BBS7: variants seen among roughly 807,000 people sequenced by gnomAD.
BBS7 encodes Bardet-Biedl syndrome 7, also known as BBSome complex member BBS7.
BBS7 carries 50 observed loss-of-function variants against 90.3 expected under a neutral mutation model. That is an observed-to-expected ratio of 0.55 (90% CI 0.44 to 0.70). The LOEUF is 0.70. BBS7 is among the 30% of genes least tolerant of loss of function. BBS7 has a pLI of 0.00. For synonymous variants in BBS7, 235 were observed against 287.4 expected, an observed-to-expected ratio of 0.82 and a Z score of 1.85; for missense variants, 729 against 838.9, an observed-to-expected ratio of 0.87 and a Z score of 1.62.
intron 8 of BBS7, among the ~76,000 whole-genome samples, chr4:121,849,260 G>A (rs562738773): frequency 1.3e-5 from 2 of 152,168 alleles, no homozygotes; most frequent in Non-Finnish European, 2.9e-5. Flanking sequence ...GAGAGCAGTG[G>A]TGCAATCACA....
chr4:121,865,474 G>C (rs1157523994), intron 2 of BBS7, among the ~76,000 whole-genome samples: 1 of 152,076 alleles, frequency 6.6e-6, no homozygotes, highest in East Asian at 1.9e-4. Flanking sequence ...GCTGACCTCA[G>C]GTGATCCGCC....
chr4:121,854,824 C>T lies in BBS7; in HGVS notation c.602-4G>A. The stretch of plus-strand genomic sequence containing the variant: ...AAAAGGTCTTCTCCAGAGTCACCTA[C>T]TTATAATTAAAGTCAACATATTATA... On this transcript the variant is annotated splice_region_variant and splice_polypyrimidine_tract_variant and intron_variant, in intron 6 of 18. Coordinates refer to ENST00000264499, the MANE Select transcript of BBS7 (RefSeq NM_176824.3). The T allele has an allele frequency of 1.2e-6, 2 of 1,610,102 alleles. No individual in the cohort carries two copies. Among genetic ancestry groups the T allele is most frequent in the Non-Finnish European group, 1.7e-6 (2 of 1,177,238 alleles).
At position 121,860,221 on chromosome 4, in the gene BBS7, C is replaced by T. The variant is rs1726902495; in HGVS notation, c.342-1043G>A. On this transcript the variant is annotated intron_variant, in intron 4 of 18. Coordinates refer to ENST00000264499, the MANE Select transcript of BBS7 (RefSeq NM_176824.3). Reference sequence around the variant, plus strand: ...CTATGTTTTTCAAAATTTTAAATTCCATTTTGAAACCAATCTGTATTATAT... The same window carrying T: ...CTATGTTTTTCAAAATTTTAAATTCTATTTTGAAACCAATCTGTATTATAT... Among the ~76,000 whole-genome samples the T allele has an allele frequency of 3.3e-5, 5 of 151,898 alleles. No homozygotes were observed. The South Asian group carries it at 1.0e-3, about 32-fold the overall frequency.
chr4:121,854,489 C>A (rs888923021), intron 7 of BBS7, among the ~76,000 whole-genome samples: 3 of 152,028 alleles, frequency 2.0e-5, no homozygotes, highest in African/African-American at 7.2e-5. Context: ...CCTATAAAAA[C>A]GTATCAATAC....
intron 1 of BBS7, among the ~76,000 whole-genome samples, chr4:121,868,337 G>A (rs767736160): frequency 2.6e-5 from 4 of 152,066 alleles, no homozygotes; most frequent in Non-Finnish European, 5.9e-5. Flanking sequence ...ACTGCATACA[G>A]TTGTTCAGCA....
Position 121,870,463 on chromosome 4 carries a change from C to A in BBS7, c.-150G>T. Reference sequence around the variant, plus strand: ...GCGCCTAGGTCCTGGGCTGCACAGGCGGGGCGACAGGGCAGTGGCGTCCTG... The same window carrying A: ...GCGCCTAGGTCCTGGGCTGCACAGGAGGGGCGACAGGGCAGTGGCGTCCTG... On this transcript the variant is annotated 5_prime_UTR_variant, in exon 1 of 19. Coordinates refer to ENST00000264499, the MANE Select transcript of BBS7 (RefSeq NM_176824.3). The A allele has an allele frequency of 1.2e-6, 1 of 822,230 alleles. No homozygotes were observed. The highest frequency in any genetic ancestry group is 1.5e-5 in the South Asian group (1 of 66,810). 50.9% of individuals were successfully genotyped at this position (822,230 alleles called of 1,614,324 possible).
At chr4:121,854,219 T>C (rs1726477718) in intron 7 of BBS7, among the ~76,000 whole-genome samples, 1 of 152,208 alleles carries the variant, frequency 6.6e-6, no homozygotes, top group Non-Finnish European at 1.5e-5. Flanking sequence ...CTAATAAGTA[T>C]TTGTTGAAGG....
chr4:121,828,526 G>T, intron 16 of BBS7, 21 bp from the exon 17 acceptor site: 4 of 1,583,642 alleles, frequency 2.5e-6, no homozygotes, highest in Non-Finnish European at 3.5e-6. Flanking sequence ...TTGACCAGAT[G>T]CAGTTAGATA....
At chr4:121,836,143 C>A (rs560271233) in intron 13 of BBS7, among the ~76,000 whole-genome samples, 23 of 152,156 alleles carry the variant, frequency 1.5e-4, no homozygotes, top group Non-Finnish European at 3.1e-4. Flanking sequence ...TATGACTGGC[C>A]GGATATCCTG....
At chr4:121,849,321 C>A (rs895159322) in intron 8 of BBS7, among the ~76,000 whole-genome samples, 6 of 152,160 alleles carry the variant, frequency 3.9e-5, no homozygotes, top group Non-Finnish European at 8.8e-5. Context: ...CCTCCTTAGG[C>A]CCCAGAGTAG....
chr4:121,855,631 A>G, intron 5 of BBS7, 70 bp from the exon 6 acceptor site: 18 of 1,290,032 alleles, frequency 1.4e-5, no homozygotes, highest in Non-Finnish European at 2.0e-5. Context: ...CATGAATAAC[A>G]TCAATATTCA....
At chr4:121,846,396 G>A (rs1045508794) in intron 10 of BBS7, among the ~76,000 whole-genome samples, 1 of 152,160 alleles carries the variant, frequency 6.6e-6, no homozygotes, top group South Asian at 2.1e-4. Context: ...GAAGGGATCT[G>A]TGTAATGAAC....
chr4:121,859,478 T>C (rs1463329766), intron 4 of BBS7, among the ~76,000 whole-genome samples: 4 of 152,136 alleles, frequency 2.6e-5, no homozygotes, highest in Non-Finnish European at 5.9e-5. Flanking sequence ...AGACAATTAA[T>C]ACATCAAAAA....
intron 10 of BBS7, among the ~76,000 whole-genome samples, chr4:121,846,548 A>AAATG (rs1726020631): frequency 6.6e-6 from 1 of 152,208 alleles, no homozygotes; most frequent in Non-Finnish European, 1.5e-5. Context: ...TGGAATCAAG[A>AAATG]AATGGTAGAC....
intron 12 of BBS7, among the ~76,000 whole-genome samples, chr4:121,840,548 T>C (rs1725685274): frequency 6.6e-6 from 1 of 152,238 alleles, no homozygotes; most frequent in Non-Finnish European, 1.5e-5. Flanking sequence ...AAGTGCTTAA[T>C]ACATGTTTGT....
chr4:121,824,593 A>G lies in BBS7; in HGVS notation c.*1267T>C, dbSNP rs766549576. The G allele has an allele frequency of 5.3e-5, 8 of 152,156 alleles. No homozygotes were observed. Among genetic ancestry groups the G allele is most frequent in the Non-Finnish European group, 2.9e-5 (2 of 68,026 alleles). 9.4% of individuals were successfully genotyped at this position (152,156 alleles called of 1,614,324 possible). A position where few individuals can be genotyped will look rare whatever the true frequency, so the allele number is the denominator to read the frequency against. On this transcript the variant is annotated 3_prime_UTR_variant, in exon 19 of 19. Transcript: ENST00000264499. This position sits in a 1 kb window ranked among gnomAD's most constrained non-coding sequence, Gnocchi z 4.1. The stretch of plus-strand genomic sequence containing the variant: ...GCAGTGCATTACAAAATATTCAAAT[A>G]CAGTCATTAATTTTTTTCTATTTTT...
At chr4:121,867,884 C>G (rs766265756) in intron 2 of BBS7, 97 bp downstream of exon 2, 47 of 1,065,858 alleles carry the variant, frequency 4.4e-5, no homozygotes, top group Non-Finnish European at 6.7e-5. Flanking sequence ...TTAACATTAG[C>G]ATTTTTAAGA....
intron 7 of BBS7, among the ~76,000 whole-genome samples, 187 bp from the exon 8 acceptor site, chr4:121,853,273 G>A (rs1285082880): frequency 6.6e-6 from 1 of 152,124 alleles, no homozygotes; most frequent in South Asian, 2.1e-4. Context: ...AATATAATCT[G>A]TGTGAGAACG....
At position 121,854,712 on chromosome 4, in the gene BBS7, T is replaced by G. The variant is rs1475525357; in HGVS notation, c.710A>C (p.Lys237Thr). ...VRKWEIQNEK[K>T]RGGILCIDSF... ...CTACATGAAAAGCATACCTCCTCTC[T>G]TTTTCTCATTTTGAATTTCCCACTT... is the stretch of plus-strand genomic sequence containing the variant. The change falls in exon 7 of 19, where the codon AAG becomes ACG. Residue 237 changes from lysine to threonine, a missense_variant. Transcript: ENST00000264499. The G allele has an allele frequency of 1.4e-5, 22 of 1,611,426 alleles. No homozygotes were observed. The Admixed American group carries it at 3.7e-4, about 27-fold the overall frequency.
Sources: gnomAD v4.1 joint callset for allele counts (sites outside exome capture counted in the v4.1 genomes callset) on GRCh38, gnomAD v4.1.1 for gene constraint, Gnocchi (gnomAD v3.1) non-coding constraint, MANE v1.5 for transcripts, NCBI Gene and HGNC (gene_info 2026-07-23, HGNC 2026-07-21) for gene names.